Variants in SLC44A3 observed in about 807,000 individuals in gnomAD.
SLC44A3 encodes the protein solute carrier family 44 member 3, also known as choline transporter-like protein 3.
A neutral mutation model predicts 75.4 loss-of-function variants in SLC44A3; 74 were observed. The observed-to-expected ratio is 0.98, with a 90% CI of 0.81 to 1.19. The LOEUF (loss-of-function observed/expected upper bound fraction) is 1.19, where lower values mean the gene tolerates loss of function less well. SLC44A3 is among the 50% of genes most tolerant of loss of function. The pLI is 0.00. For synonymous variants in SLC44A3, 310 were observed against 296.9 expected, an observed-to-expected ratio of 1.04 and a Z score of -0.45; for missense variants, 700 against 778.6, an observed-to-expected ratio of 0.90 and a Z score of 1.20.
intron 9 of SLC44A3, among the ~76,000 whole-genome samples, chr1:94,856,235 C>T (rs573097580): frequency 5.3e-5 from 8 of 152,222 alleles, no homozygotes; most frequent in Admixed American, 4.6e-4. Context: ...GGGCACTATA[C>T]CAAGTACTTT....
At chr1:94,894,731 G>GGGCAAAGGAGAAGTT in intron 14 of SLC44A3, 87 bp from the exon 15 acceptor site, 1 of 1,077,700 alleles carries the variant, frequency 9.3e-7, no homozygotes, top group Non-Finnish European at 1.4e-6. Flanking sequence ...AACCGTCAGA[G>GGGCAAAGGAGAAGTT]GGCAAAGGAG....
intron 6 of SLC44A3, 33 bp from the exon 7 acceptor site, chr1:94,839,915 A>C: frequency 1.3e-6 from 2 of 1,504,032 alleles, no homozygotes; most frequent in Non-Finnish European, 1.9e-6. Context: ...CTTTGTTGCT[A>C]TTGAGGTTTA....
chr1:94,862,805 C>A (rs1666730962), intron 10 of SLC44A3, among the ~76,000 whole-genome samples: 1 of 152,190 alleles, frequency 6.6e-6, no homozygotes, highest in African/African-American at 2.4e-5. Flanking sequence ...CGCTGGGTTG[C>A]CCCATATGCT....
chr1:94,858,734 C>T (rs1052378377), intron 10 of SLC44A3, among the ~76,000 whole-genome samples: 3 of 152,128 alleles, frequency 2.0e-5, no homozygotes, highest in African/African-American at 7.2e-5. Flanking sequence ...CTCTGTCGCC[C>T]AGGCTGGAGT....
In SLC44A3 at chr1:94,857,370, T is replaced by C. The variant is rs1666007685; in HGVS notation, c.1108T>C (p.Tyr370His). The C allele has an allele frequency of 2.5e-6, 4 of 1,612,876 alleles. No individual in the cohort carries two copies. Among genetic ancestry groups the C allele is most frequent in the African/African-American group, 2.7e-5 (2 of 74,878 alleles). ...GGTTATGGAAGGCGGCCAAGTGGAA[T>C]ATAAGCCCCTTTCGGGCATTCGGTA... ...AQVMEGGQVE[Y>H]KPLSGIRYMW... The change falls in exon 10 of 15, where the codon TAT becomes CAT. Residue 370 changes from tyrosine to histidine, a missense_variant. By Grantham distance (83) the Tyr-to-His change is moderately conservative. Coordinates refer to ENST00000271227, the MANE Select transcript of SLC44A3 (RefSeq NM_001114106.3).
rs181728734 is a variant in SLC44A3 at position 94,889,515 on chromosome 1, T to C, written c.1483-1615T>C. On this transcript the variant is annotated intron_variant, in intron 12 of 14. Transcript: ENST00000271227. ...AAATAACCTGAGAAATCGTCTCATG[T>C]GAACATAATCACACACACACACACA... 1.9e-3 allele frequency among the ~76,000 whole-genome samples: 235 copies of C among 122,478 alleles called. 1 individual carries two copies. Among genetic ancestry groups the C allele is most frequent in the South Asian group, 2.7e-3 (10 of 3,654 alleles). 80.4% of individuals were successfully genotyped at this position (122,478 alleles called of 152,430 possible).
chr1:94,844,247 T>C (rs1664091515), intron 8 of SLC44A3, among the ~76,000 whole-genome samples: 1 of 152,168 alleles, frequency 6.6e-6, no homozygotes, highest in Non-Finnish European at 1.5e-5. Context: ...AGGTAAAGAA[T>C]ACAGGGGGAA....
intron 5 of SLC44A3, 91 bp downstream of exon 5, chr1:94,828,677 G>A (rs1476408911): frequency 8.5e-7 from 1 of 1,172,640 alleles, no homozygotes; most frequent in Non-Finnish European, 1.2e-6. Flanking sequence ...TTGTGGGAAG[G>A]AGATATCAGA....
At chr1:94,831,850 G>T (rs528179063) in intron 5 of SLC44A3, among the ~76,000 whole-genome samples, 17 of 152,278 alleles carry the variant, frequency 1.1e-4, no homozygotes, top group African/African-American at 4.1e-4. Context: ...AGCAGAAGTG[G>T]TGAAGAAACC....
At chr1:94,881,482 A>G (rs1353997008) in intron 12 of SLC44A3, among the ~76,000 whole-genome samples, 3 of 152,016 alleles carry the variant, frequency 2.0e-5, no homozygotes, top group Non-Finnish European at 4.4e-5. Flanking sequence ...AGGCGGGCGG[A>G]TCACAAGGTC....
chr1:94,856,606 G>T (rs191822739), intron 9 of SLC44A3, among the ~76,000 whole-genome samples: 2 of 152,274 alleles, frequency 1.3e-5, no homozygotes. Flanking sequence ...GCTGAGTTTG[G>T]TTTGCATCAC....
intron 12 of SLC44A3, among the ~76,000 whole-genome samples, chr1:94,887,407 GTGGTA>G (rs1382937293): frequency 2.6e-5 from 4 of 152,124 alleles, no homozygotes; most frequent in South Asian, 2.1e-4. Context: ...TAAAATGCTA[GTGGTA>G]TGGTACCTGC....
chr1:94,894,735 A>G, intron 14 of SLC44A3, 83 bp from the exon 15 acceptor site: 1 of 1,134,640 alleles, frequency 8.8e-7, no homozygotes, highest in Non-Finnish European at 1.3e-6. Context: ...GTCAGAGGGC[A>G]AAGGAGAAGT....
intron 12 of SLC44A3, among the ~76,000 whole-genome samples, chr1:94,879,570 T>G (rs1668718477): frequency 7.1e-6 from 1 of 141,804 alleles, no homozygotes. Flanking sequence ...CTGGGCGCAG[T>G]GGTTCATGCC....
At chr1:94,888,799 G>A (rs1229469677) in intron 12 of SLC44A3, 16 of 768,620 alleles carry the variant, frequency 2.1e-5, no homozygotes, top group Admixed American at 6.4e-5. Context: ...GTGCGATCTC[G>A]GCTCACTTCA....
At position 94,842,134 on chromosome 1, in the gene SLC44A3, G is replaced by A. The variant is rs374835463; in HGVS notation, c.885+10G>A. The A allele has an allele frequency of 1.9e-5, 31 of 1,596,648 alleles. No individual in the cohort carries two copies. The African/African-American group carries it at 3.1e-4, about 16-fold the overall frequency. On this transcript the variant is annotated intron_variant, in intron 8 of 14. Coordinates refer to ENST00000271227, the MANE Select transcript of SLC44A3 (RefSeq NM_001114106.3). ...ATCCACAGGCATCACGGTAAGAAATGCTCTTCTAGCAGTAGGTCAGGTAGC... is the reference window on the plus strand; with the variant it reads ...ATCCACAGGCATCACGGTAAGAAATACTCTTCTAGCAGTAGGTCAGGTAGC...
At chr1:94,827,760 T>C in intron 4 of SLC44A3, 117 bp downstream of exon 4, 2 of 1,250,800 alleles carry the variant, frequency 1.6e-6, no homozygotes, top group Non-Finnish European at 2.2e-6. Flanking sequence ...TTTACTTCCT[T>C]GTGGGTGCCT....
intron 5 of SLC44A3, chr1:94,837,027 C>T (rs1180830836): frequency 6.6e-6 from 1 of 151,022 alleles, no homozygotes; most frequent in Non-Finnish European, 1.5e-5. Flanking sequence ...CTATTTGCAA[C>T]AACGTGGATG....
chr1:94,860,216 C>A (rs1427201731), intron 10 of SLC44A3, among the ~76,000 whole-genome samples: 1 of 152,056 alleles, frequency 6.6e-6, no homozygotes, highest in African/African-American at 2.4e-5. Flanking sequence ...GGATCCCCTC[C>A]CACCAACAAA....
Sources: allele counts gnomAD v4.1 joint callset (sites outside exome capture counted in the v4.1 genomes callset), GRCh38; gene constraint gnomAD v4.1.1; transcripts MANE v1.5; gene names NCBI Gene and HGNC (gene_info 2026-07-23, HGNC 2026-07-21).